ODR4: variants seen among roughly 807,000 people sequenced by gnomAD.
ODR4 encodes protein odr-4 homolog.
A neutral mutation model predicts 60.2 loss-of-function variants in ODR4; 47 were observed. The observed-to-expected ratio is 0.78, with a 90% CI of 0.62 to 1.00. ODR4 has a LOEUF of 1.00. ODR4 is among the 50% of genes least tolerant of loss of function. ODR4 has a pLI of 0.00. For missense variants in ODR4, 488 were observed against 530.8 expected, an observed-to-expected ratio of 0.92 and a Z score of 0.79; for synonymous variants, 178 against 175.5, an observed-to-expected ratio of 1.01 and a Z score of -0.11.
chr1:186,429,360 T>A, the ODR4 span, among the ~76,000 whole-genome samples: 1 of 152,230 alleles, frequency 6.6e-6, no homozygotes, highest in African/African-American at 2.4e-5. Flanking sequence ...GAGCATATAC[T>A]GTTGGAAAAA....
At chr1:186,427,324 G>T in the ODR4 span, among the ~76,000 whole-genome samples, 1 of 152,168 alleles carries the variant, frequency 6.6e-6, no homozygotes, top group African/African-American at 2.4e-5. Flanking sequence ...GTGACATTCT[G>T]AATCCTTTGT....
chr1:186,394,136 A>G, intron 9 of ODR4, 121 bp downstream of exon 9: 1 of 614,026 alleles, frequency 1.6e-6, no homozygotes, highest in East Asian at 3.0e-5. Context: ...ACTGTATGAA[A>G]TGGCTGGTTA....
At chr1:186,432,493 C>T in the ODR4 span, among the ~76,000 whole-genome samples, 1 of 152,138 alleles carries the variant, frequency 6.6e-6, no homozygotes, top group Non-Finnish European at 1.5e-5. Flanking sequence ...ATAAATACAT[C>T]TAGGCCCTGT....
intron 4 of ODR4, among the ~76,000 whole-genome samples, chr1:186,386,290 A>T (rs1660245892): frequency 6.6e-6 from 1 of 152,104 alleles, no homozygotes; most frequent in African/African-American, 2.4e-5. Flanking sequence ...TACACATTTT[A>T]TTTATTATTT....
chr1:186,385,010 A>G (rs1045412319), intron 3 of ODR4, among the ~76,000 whole-genome samples: 32 of 152,192 alleles, frequency 2.1e-4, no homozygotes, highest in African/African-American at 6.3e-4. Flanking sequence ...ACTAGCCACA[A>G]TCATGTGAAG....
intron 6 of ODR4, 139 bp from the exon 7 acceptor site, chr1:186,390,570 CTT>C: frequency 1.2e-6 from 1 of 813,568 alleles, no homozygotes. Context: ...AACCTATAGT[CTT>C]TTGATCAAGG....
In ODR4 at chr1:186,383,129, A is replaced by C. The variant is rs1336019630; in HGVS notation, c.207A>C (p.Glu69Asp). Residue 69 changes from glutamate (E) to aspartate (D), a missense_variant, in exon 3 of 14, where the codon GAA (glutamate) becomes GAC (aspartate). Physicochemically the swap from Glu to Asp is conservative, Grantham distance 45. Coordinates refer to ENST00000287859, the MANE Select transcript of ODR4 (RefSeq NM_017847.6). ...HPKAKLDNLD[E>D]EWATEHACQV... ...AAGCTAAGTTGGATAACTTGGATGAAGAATGGGCCACAGAACATGCCTGCC... is the reference window on the plus strand; with the variant it reads ...AAGCTAAGTTGGATAACTTGGATGACGAATGGGCCACAGAACATGCCTGCC... 1.9e-6 allele frequency: 3 copies of C among 1,554,770 alleles called. No homozygotes were observed. In the South Asian group the frequency reaches 3.6e-5, roughly 18 times the overall value.
chr1:186,430,378 A>T, the ODR4 span, among the ~76,000 whole-genome samples: 13 of 152,228 alleles, frequency 8.5e-5, no homozygotes, highest in African/African-American at 3.1e-4. Context: ...ACTATCCTTT[A>T]TTCAACTTGC....
At chr1:186,388,721 T>C (rs1660342787) in intron 5 of ODR4, among the ~76,000 whole-genome samples, 173 bp downstream of exon 5, 1 of 152,148 alleles carries the variant, frequency 6.6e-6, no homozygotes, top group Admixed American at 6.5e-5. Flanking sequence ...GCAATAATGG[T>C]TGTTAATCAT....
chr1:186,409,568 C>T (rs1033450932), intron 12 of ODR4, among the ~76,000 whole-genome samples: 3 of 152,092 alleles, frequency 2.0e-5, no homozygotes, highest in Non-Finnish European at 2.9e-5. Context: ...TTTTTTGAGA[C>T]GGAGTCTCGC....
rs375321864 is a variant in ODR4 at position 186,398,956 on chromosome 1, A to C, written c.912A>C (p.Ala304=). 1.9e-5 allele frequency: 30 copies of C among 1,603,882 alleles called. No individual in the cohort carries two copies. The highest frequency in any genetic ancestry group is 2.6e-5 in the Non-Finnish European group (30 of 1,174,712). Reference sequence around the variant, plus strand: ...TTTTTGTGTGTTTTTCCCTGTAGGCAGTAAAGAGGGATATATTGAACACAG... The same window carrying C: ...TTTTTGTGTGTTTTTCCCTGTAGGCCGTAAAGAGGGATATATTGAACACAG... The part of the protein sequence containing the change: ...SKPKVKDAVQ[A]VKRDILNTVA... Residue 304 remains alanine (A), a splice_region_variant and synonymous_variant, in exon 11 of 14, where the codon GCA becomes GCC. Coordinates refer to ENST00000287859, the MANE Select transcript of ODR4 (RefSeq NM_017847.6).
In ODR4 at chr1:186,379,911, A is replaced by C. The variant is rs747573268; in HGVS notation, c.99+27A>C. The C allele has an allele frequency of 4.0e-6, 5 of 1,248,672 alleles. No individual in the cohort carries two copies. In the Admixed American group the frequency reaches 1.2e-4, roughly 31 times the overall value. The allele number at this position is 1,248,672 out of a possible 1,614,324, so 77.3% of individuals were successfully genotyped here. A position where few individuals can be genotyped will look rare whatever the true frequency, so the allele number is the denominator to read the frequency against. On this transcript the variant is annotated intron_variant, in intron 2 of 13. Coordinates refer to ENST00000287859, the MANE Select transcript of ODR4 (RefSeq NM_017847.6). ...TATGTATCTTTTACTCTGCATTTATAACTAAATAATTACTCTGTAATTTAT... is the reference window on the plus strand; with the variant it reads ...TATGTATCTTTTACTCTGCATTTATCACTAAATAATTACTCTGTAATTTAT...
At chr1:186,412,230 A>G (rs1005193685) in intron 12 of ODR4, among the ~76,000 whole-genome samples, 6 of 152,194 alleles carry the variant, frequency 3.9e-5, no homozygotes, top group Admixed American at 3.3e-4. Flanking sequence ...CCCTGGTTTT[A>G]TTATTAATAT....
At chr1:186,387,797 C>T (rs1038673442) in intron 4 of ODR4, among the ~76,000 whole-genome samples, 1 of 152,042 alleles carries the variant, frequency 6.6e-6, no homozygotes, top group Admixed American at 6.6e-5. Context: ...AAGCTTAGAC[C>T]GAAATGTATT....
intron 12 of ODR4, among the ~76,000 whole-genome samples, chr1:186,415,570 A>G (rs1661533355): frequency 6.6e-6 from 1 of 152,298 alleles, no homozygotes; most frequent in African/African-American, 2.4e-5. Context: ...CTAGGATGGA[A>G]GAAAGAAGCT....
In ODR4 at chr1:186,420,091, C is replaced by T. The variant is rs979852637; in HGVS notation, c.*1015C>T. 9.2e-5 allele frequency: 14 copies of T among 152,132 alleles called. No homozygotes were observed. Among genetic ancestry groups the T allele is most frequent in the African/African-American group, 3.1e-4 (13 of 41,422 alleles). The allele number at this position is 152,132 out of a possible 1,614,324, so 9.4% of individuals were successfully genotyped here. A position where few individuals can be genotyped will look rare whatever the true frequency, so the allele number is the denominator to read the frequency against. Reference sequence around the variant, plus strand: ...GAATAAAATCTGCTTTTAATAGGTTCACTGGAAGTAGGAGAATTTTCAAGA... The same window carrying T: ...GAATAAAATCTGCTTTTAATAGGTTTACTGGAAGTAGGAGAATTTTCAAGA... On this transcript the variant is annotated 3_prime_UTR_variant, in exon 14 of 14. Coordinates refer to ENST00000287859, the MANE Select transcript of ODR4 (RefSeq NM_017847.6).
At chr1:186,425,294 G>A (rs540018097), downstream of ODR4, among the ~76,000 whole-genome samples, 6 of 152,246 alleles carry the variant, frequency 3.9e-5, no homozygotes, top group East Asian at 3.9e-4. Flanking sequence ...CCCAGCCTAC[G>A]ATGGTGAGTC....
At chr1:186,405,006 A>C (rs1192830709) in intron 11 of ODR4, among the ~76,000 whole-genome samples, 1 of 152,196 alleles carries the variant, frequency 6.6e-6, no homozygotes, top group African/African-American at 2.4e-5. Context: ...GTTAGAAATT[A>C]GGGGAAATAA....
intron 11 of ODR4, among the ~76,000 whole-genome samples, chr1:186,401,819 CT>C (rs1278094183): frequency 1.4e-5 from 2 of 144,668 alleles, no homozygotes; most frequent in Non-Finnish European, 3.0e-5. Context: ...ATGTAGTTTT[CT>C]TTTTTTGTGT....
Sources: gnomAD v4.1 joint callset for allele counts (sites outside exome capture counted in the v4.1 genomes callset) on GRCh38, gnomAD v4.1.1 for gene constraint, MANE v1.5 for transcripts, NCBI Gene and HGNC (gene_info 2026-07-23, HGNC 2026-07-21) for gene names.